Variants in PCDH9 observed in about 807,000 individuals in gnomAD.
PCDH9 encodes the protein protocadherin 9.
A neutral mutation model predicts 70.6 loss-of-function variants in PCDH9; 24 were observed. The ratio of observed to expected loss-of-function variants is 0.34; its 90% CI spans 0.25 to 0.48. The LOEUF (loss-of-function observed/expected upper bound fraction) is 0.48. Ranked by LOEUF, PCDH9 falls within the 20% of genes least tolerant of loss-of-function variation. PCDH9 has a pLI of 0.99. For missense variants in PCDH9, 1,281 were observed against 1,503.6 expected (o/e 0.85, Z 2.45); for synonymous variants, 562 against 558.5 (o/e 1.01, Z -0.09).
At chr13:66,971,548 C>G (rs767752140) in intron 2 of PCDH9, among the ~76,000 whole-genome samples, 23 of 151,930 alleles carry the variant, frequency 1.5e-4, no homozygotes, top group Non-Finnish European at 2.6e-4. Context: ...TTTATATTCT[C>G]CCAAGGCCAT....
rs58708221 is a variant in PCDH9 at position 67,156,537 on chromosome 13, C to G, written c.3036+68868G>C. Among the ~76,000 whole-genome samples, 1,068 of 152,088 alleles carry G rather than the reference C, an allele frequency of 7.0e-3. 13 individuals carry two copies. Among genetic ancestry groups the G allele is most frequent in the African/African-American group, 0.024 (1,011 of 41,512 alleles). ...GGAGAGCCCTGGCCGTGGAGTGCCC[C>G]AACTCCAGGGGAAAACCATCTCCCT... On this transcript the variant is annotated intron_variant, in intron 2 of 4. Coordinates refer to ENST00000377865, the MANE Select transcript of PCDH9 (RefSeq NM_203487.3).
At chr13:66,702,069 T>G (rs1423264597) in intron 3 of PCDH9, among the ~76,000 whole-genome samples, 1 of 152,152 alleles carries the variant, frequency 6.6e-6, no homozygotes, top group Non-Finnish European at 1.5e-5. Context: ...CCTTTAATAT[T>G]TATTATGTTC....
At position 67,180,585 on chromosome 13, in the gene PCDH9, G is replaced by A. The variant is rs17082230; in HGVS notation, c.3036+44820C>T. Among the ~76,000 whole-genome samples the A allele has an allele frequency of 9.4e-3, 1,437 of 152,246 alleles. 21 individuals carry two copies. Among genetic ancestry groups the A allele is most frequent in the African/African-American group, 0.033 (1,359 of 41,560 alleles). ...GATTTTTGGATTTTGCTTTTGACCT[G>A]TAAGACTCTGCATGGCCTATGTCCA... is the stretch of plus-strand genomic sequence containing the variant. On this transcript the variant is annotated intron_variant, in intron 2 of 4. Coordinates refer to ENST00000377865, the MANE Select transcript of PCDH9 (RefSeq NM_203487.3).
intron 2 of PCDH9, among the ~76,000 whole-genome samples, chr13:67,174,851 T>G (rs535504176): frequency 6.6e-6 from 1 of 152,118 alleles, no homozygotes; most frequent in South Asian, 2.1e-4. Context: ...ACTTTCTTTG[T>G]TAAATTAAAT....
At chr13:66,685,766 T>C (rs2078392620) in intron 3 of PCDH9, among the ~76,000 whole-genome samples, 1 of 152,240 alleles carries the variant, frequency 6.6e-6, no homozygotes, top group Non-Finnish European at 1.5e-5. Context: ...ATGTGAGACA[T>C]GGAGTCTAAG....
At chr13:66,353,086 A>G (rs574684568) in intron 4 of PCDH9, among the ~76,000 whole-genome samples, 1 of 152,200 alleles carries the variant, frequency 6.6e-6, no homozygotes, top group Non-Finnish European at 1.5e-5. Context: ...AAGGTCAAAT[A>G]CTATTGATTC....
chr13:66,821,520 G>A (rs185556983), intron 3 of PCDH9, among the ~76,000 whole-genome samples: 96 of 152,210 alleles, frequency 6.3e-4, no homozygotes, highest in African/African-American at 2.2e-3. Flanking sequence ...TACTTAGTCA[G>A]TATTCATAGA....
At chr13:66,777,158 A>T (rs2079909833) in intron 3 of PCDH9, among the ~76,000 whole-genome samples, 1 of 152,004 alleles carries the variant, frequency 6.6e-6, no homozygotes, top group Admixed American at 6.6e-5. Context: ...TAAACATTAG[A>T]CCTAAAACCA....
chr13:66,635,738 T>C (rs551792258), intron 3 of PCDH9, among the ~76,000 whole-genome samples: 17 of 152,246 alleles, frequency 1.1e-4, no homozygotes, highest in African/African-American at 3.8e-4. Flanking sequence ...CTTACTGGTA[T>C]ACAATAGCAT....
intron 2 of PCDH9, among the ~76,000 whole-genome samples, chr13:67,156,525 C>T (rs940038625): frequency 1.8e-4 from 27 of 151,966 alleles, no homozygotes; most frequent in Non-Finnish European, 2.9e-4. Flanking sequence ...GAGCCCTGGC[C>T]GTGGAGTGCC....
chr13:66,320,758 G>T (rs1314264437), intron 4 of PCDH9, among the ~76,000 whole-genome samples: 1 of 151,886 alleles, frequency 6.6e-6, no homozygotes, highest in Non-Finnish European at 1.5e-5. Context: ...GTTGACAGTA[G>T]TATTATTTTA....
chr13:66,610,302 G>C (rs1404541763), intron 4 of PCDH9, among the ~76,000 whole-genome samples: 2 of 143,358 alleles, frequency 1.4e-5, no homozygotes, highest in Non-Finnish European at 2.9e-5. Flanking sequence ...GAGAGAGAGA[G>C]AGAGCATTTA....
chr13:67,223,658 AT>A (rs2089782790), intron 2 of PCDH9: 1 of 152,080 alleles, frequency 6.6e-6, no homozygotes, highest in Non-Finnish European at 1.5e-5. Flanking sequence ...AAGACTGAAC[AT>A]TTTTTAAATT....
At chr13:66,393,932 T>C (rs1249727409) in intron 4 of PCDH9, among the ~76,000 whole-genome samples, 1 of 152,214 alleles carries the variant, frequency 6.6e-6, no homozygotes, top group Non-Finnish European at 1.5e-5. Context: ...GAGTGGAATC[T>C]GTAGAGTTTT....
intron 2 of PCDH9, among the ~76,000 whole-genome samples, chr13:67,057,412 G>A (rs1314350818): frequency 6.6e-6 from 1 of 152,040 alleles, no homozygotes; most frequent in African/African-American, 2.4e-5. Flanking sequence ...TACTTAGTGA[G>A]TGGAAGGATA....
intron 2 of PCDH9, among the ~76,000 whole-genome samples, chr13:66,980,428 G>A (rs1009428745): frequency 6.6e-6 from 1 of 152,086 alleles, no homozygotes; most frequent in African/African-American, 2.4e-5. Flanking sequence ...TCTAAAATCA[G>A]ATAAAGATTT....
chr13:66,978,634 A>G (rs2083671114), intron 2 of PCDH9, among the ~76,000 whole-genome samples: 1 of 150,706 alleles, frequency 6.6e-6, no homozygotes, highest in Non-Finnish European at 1.5e-5. Flanking sequence ...GTAAGGATTT[A>G]TATATGGATT....
chr13:66,708,626 A>G (rs189694030), intron 3 of PCDH9, among the ~76,000 whole-genome samples: 268 of 152,312 alleles, frequency 1.8e-3, no homozygotes, highest in African/African-American at 6.1e-3. Flanking sequence ...AATATGCATT[A>G]TCAGTGAGTC....
intron 3 of PCDH9, among the ~76,000 whole-genome samples, chr13:66,687,193 C>G (rs187876584): frequency 6.6e-6 from 1 of 152,248 alleles, no homozygotes; most frequent in Admixed American, 6.5e-5. Flanking sequence ...GTACTTGATT[C>G]AAGCTCAGAA....
Sources: gnomAD v4.1 joint callset for allele counts (sites outside exome capture counted in the v4.1 genomes callset) on GRCh38, gnomAD v4.1.1 for gene constraint, MANE v1.5 for transcripts, NCBI Gene and HGNC (gene_info 2026-07-23, HGNC 2026-07-21) for gene names.